Variants in LIN7A observed in about 807,000 individuals in gnomAD.
The protein encoded by LIN7A is lin-7 cell polarity scaffold A.
A neutral mutation model predicts 29.8 loss-of-function variants in LIN7A; 25 were observed. The ratio of observed to expected loss-of-function variants is 0.84; its 90% CI spans 0.61 to 1.17. The LOEUF (loss-of-function observed/expected upper bound fraction) is 1.17. Among genes scored for constraint, LIN7A ranks in the 50% most tolerant of loss-of-function variants. The pLI, the probability that LIN7A is intolerant of heterozygous loss-of-function variation, is 0.00. For synonymous variants in LIN7A, 118 were observed against 107.5 expected (o/e 1.10, Z -0.60); for missense variants, 239 against 287.0 (o/e 0.83, Z 1.21).
intron 2 of LIN7A, among the ~76,000 whole-genome samples, chr12:80,863,271 G>C (rs527714300): frequency 1.3e-5 from 2 of 152,212 alleles, no homozygotes; most frequent in Non-Finnish European, 2.9e-5. Flanking sequence ...TAATGATTTA[G>C]TTCTCTGCTT....
intron 1 of LIN7A, among the ~76,000 whole-genome samples, chr12:80,906,771 T>G (rs548041156): frequency 6.6e-6 from 1 of 152,048 alleles, no homozygotes; most frequent in African/African-American, 2.4e-5. Context: ...CCCAACGACA[T>G]GCAATGTAGC....
In LIN7A at chr12:80,807,063, G is replaced by GTTTTTTTTTTTTTTTTTTTT. The variant is rs71094991; in HGVS notation, c.*4382_*4401dup. On this transcript the variant is annotated intron_variant, in intron 5 of 5. Transcript: ENST00000552864. ...CCATAGGAAATTTAATGAAGATGGA[G>GTTTTTTTTTTTTTTTTTTTT]TTTTTTTTTTTTTTTTTTTTTTTTT... 1.0e-3 allele frequency among the ~76,000 whole-genome samples: 56 copies of GTTTTTTTTTTTTTTTTTTTT among 53,572 alleles called. 4 individuals are homozygous for GTTTTTTTTTTTTTTTTTTTT. The highest frequency in any genetic ancestry group is 4.7e-3 in the African/African-American group (54 of 11,524). 35.1% of individuals were successfully genotyped at this position (53,572 alleles called of 152,430 possible).
At chr12:80,834,770 T>A (rs1159826991) in intron 4 of LIN7A, among the ~76,000 whole-genome samples, 2 of 152,204 alleles carry the variant, frequency 1.3e-5, no homozygotes, top group Admixed American at 1.3e-4. Context: ...TCTTCTGTTT[T>A]TGAGAATATA....
intron 1 of LIN7A, among the ~76,000 whole-genome samples, chr12:80,890,683 A>G (rs1875574644): frequency 6.6e-6 from 1 of 152,176 alleles, no homozygotes. Context: ...CATTAAATCA[A>G]TGTGACACTG....
intron 1 of LIN7A, among the ~76,000 whole-genome samples, chr12:80,933,822 G>A (rs1400230673): frequency 6.6e-6 from 1 of 151,962 alleles, no homozygotes; most frequent in Non-Finnish European, 1.5e-5. Context: ...ATCTAAAACA[G>A]CAGCCCCCAT....
intron 2 of LIN7A, among the ~76,000 whole-genome samples, chr12:80,851,984 C>G (rs902696724): frequency 2.0e-5 from 3 of 152,060 alleles, no homozygotes; most frequent in African/African-American, 4.8e-5. Context: ...TGAGTTGGTT[C>G]AGAAAGTTCA....
At chr12:80,886,082 G>GT (rs1875310514) in intron 2 of LIN7A, among the ~76,000 whole-genome samples, 1 of 151,864 alleles carries the variant, frequency 6.6e-6, no homozygotes, top group Admixed American at 6.6e-5. Context: ...TCTTTTCTCT[G>GT]TTTTGCATGA....
At chr12:80,807,354 G>C (rs912837639) in intron 5 of LIN7A, among the ~76,000 whole-genome samples, 2 of 152,112 alleles carry the variant, frequency 1.3e-5, no homozygotes, top group Non-Finnish European at 2.9e-5. Flanking sequence ...ACAGGCATGA[G>C]CCACCGCACC....
At chr12:80,836,318 A>G (rs1872587458) in intron 4 of LIN7A, among the ~76,000 whole-genome samples, 1 of 152,192 alleles carries the variant, frequency 6.6e-6, no homozygotes, top group Non-Finnish European at 1.5e-5. Context: ...CTTCTCCTTA[A>G]TCTCAGTTTA....
intron 2 of LIN7A, among the ~76,000 whole-genome samples, chr12:80,862,166 G>A (rs12297604): frequency 2.0e-5 from 3 of 151,908 alleles, no homozygotes; most frequent in African/African-American, 4.8e-5. Flanking sequence ...TATACTAACC[G>A]AACAGAGAGT....
At chr12:80,830,373 A>G (rs943367015) in intron 4 of LIN7A, among the ~76,000 whole-genome samples, 8 of 152,168 alleles carry the variant, frequency 5.3e-5, no homozygotes, top group Non-Finnish European at 1.0e-4. Flanking sequence ...ATTATTCACC[A>G]AACTCCACCA....
chr12:80,912,882 T>C (rs1464379), intron 1 of LIN7A, among the ~76,000 whole-genome samples: 2 of 152,172 alleles, frequency 1.3e-5, no homozygotes, highest in African/African-American at 4.8e-5. Context: ...CATAAGCATT[T>C]TAGAAATTCT....
intron 5 of LIN7A, among the ~76,000 whole-genome samples, chr12:80,810,203 T>G (rs1871218789): frequency 6.6e-6 from 1 of 152,184 alleles, no homozygotes; most frequent in Admixed American, 6.5e-5. Flanking sequence ...TCCCAGCCTC[T>G]GGAAACCACA....
At chr12:80,876,096 G>GAGAA (rs1171528000) in intron 2 of LIN7A, among the ~76,000 whole-genome samples, 4 of 151,796 alleles carry the variant, frequency 2.6e-5, no homozygotes, top group Non-Finnish European at 4.4e-5. Flanking sequence ...GAGAGAAAGA[G>GAGAA]AGAGACAGAC....
intron 1 of LIN7A, among the ~76,000 whole-genome samples, chr12:80,932,827 A>G (rs115444235): frequency 6.6e-6 from 1 of 152,210 alleles, no homozygotes; most frequent in Non-Finnish European, 1.5e-5. Flanking sequence ...GTTCTTTAAT[A>G]TCCACGTGTT....
intron 4 of LIN7A, among the ~76,000 whole-genome samples, chr12:80,840,978 A>G (rs565266659): frequency 1.3e-5 from 2 of 152,298 alleles, no homozygotes; most frequent in East Asian, 1.9e-4. Flanking sequence ...GCTCTTTATT[A>G]TAATAAGATG....
rs529106496 is a variant in LIN7A, at chr12:80,890,814, C to A, written c.83-1445G>T. Among the ~76,000 whole-genome samples, 3 of 152,164 alleles carry A rather than the reference C, an allele frequency of 2.0e-5. No individual in the cohort carries two copies. In the South Asian group the frequency reaches 6.2e-4, roughly 32 times the overall value. ...CTGAGATTTTATGCATTTCTAACTG[C>A]AAAAGATACTCTACCTAGGCTGCAG... On this transcript the variant is annotated intron_variant, in intron 1 of 5. Coordinates refer to ENST00000552864, the MANE Select transcript of LIN7A (RefSeq NM_004664.4).
Position 80,883,285 on chromosome 12 carries a change from C to A in LIN7A, c.201+5966G>T, listed in dbSNP as rs1466410850. Among the ~76,000 whole-genome samples the A allele has an allele frequency of 2.0e-5, 3 of 152,136 alleles. No individual in the cohort carries two copies. In the East Asian group the frequency reaches 5.8e-4, roughly 29 times the overall value. On this transcript the variant is annotated intron_variant, in intron 2 of 5. Coordinates refer to ENST00000552864, the MANE Select transcript of LIN7A (RefSeq NM_004664.4). ...ATCTAAGTTGTATCACCCAACCAAG[C>A]ATTGACTCTCTCATAAAGCTGATTA...
rs79919291 is a variant in LIN7A, at chr12:80,845,942, G to GAAAA, written c.274-7_274-4dup. The GAAAA allele has an allele frequency of 6.5e-6, 9 of 1,382,916 alleles. No homozygotes were observed. Among genetic ancestry groups the GAAAA allele is most frequent in the Admixed American group, 5.1e-5 (2 of 39,328 alleles). 85.7% of individuals were successfully genotyped at this position (1,382,916 alleles called of 1,614,324 possible). ...GCTGCAAAAGCTGCAACTGTTGCCTGAAAAAAAAAAAAAAAGATGGTCTTT... is the reference window on the plus strand; with the variant it reads ...GCTGCAAAAGCTGCAACTGTTGCCTGAAAAAAAAAAAAAAAAAAAGATGGTCTTT... On this transcript the variant is annotated splice_region_variant and splice_polypyrimidine_tract_variant and intron_variant, in intron 3 of 5. Coordinates refer to ENST00000552864, the MANE Select transcript of LIN7A (RefSeq NM_004664.4).
Sources: allele counts gnomAD v4.1 joint callset (sites outside exome capture counted in the v4.1 genomes callset), GRCh38; gene constraint gnomAD v4.1.1; transcripts MANE v1.5; gene names NCBI Gene and HGNC (gene_info 2026-07-23, HGNC 2026-07-21).